Variants in DNAAF1 observed in about 807,000 individuals in gnomAD.
DNAAF1 encodes dynein axonemal assembly factor 1, also known as dynein assembly factor 1, axonemal.
A neutral mutation model predicts 71.1 loss-of-function variants in DNAAF1; 65 were observed. That is an observed-to-expected ratio of 0.91 (90% CI 0.75 to 1.12). DNAAF1 has a LOEUF of 1.12. DNAAF1 is among the 50% of genes most tolerant of loss of function. The pLI is 0.00. For synonymous variants in DNAAF1, 414 were observed against 354.6 expected (o/e 1.17, Z -1.88); for missense variants, 1,178 against 899.8 (o/e 1.31, Z -3.96).
At chr16:84,159,894 C>A in intron 6 of DNAAF1, 98 bp downstream of exon 6, 1 of 1,436,642 alleles carries the variant, frequency 7.0e-7, no homozygotes, top group Non-Finnish European at 9.6e-7. Context: ...AGAAATTTCA[C>A]ATATCAAAAA....
chr16:84,168,494 T>A (rs1260511081), intron 7 of DNAAF1, among the ~76,000 whole-genome samples: 2 of 152,138 alleles, frequency 1.3e-5, no homozygotes, highest in African/African-American at 2.4e-5. Context: ...GCCAAGCTGG[T>A]CTCGAACTCC....
chr16:84,149,887 T>G (rs1380160578), intron 2 of DNAAF1, among the ~76,000 whole-genome samples: 1 of 151,150 alleles, frequency 6.6e-6, no homozygotes, highest in Non-Finnish European at 1.5e-5. Context: ...TAGCCAGGTG[T>G]GGTGGCGCAT....
intron 1 of DNAAF1, 71 bp from the exon 2 acceptor site, chr16:84,148,936 C>A: frequency 6.4e-7 from 1 of 1,572,404 alleles, no homozygotes; most frequent in Non-Finnish European, 8.7e-7. Flanking sequence ...GGTCATTAAC[C>A]AAGCTGAAGT....
intron 7 of DNAAF1, 160 bp downstream of exon 7, chr16:84,166,109 A>C: frequency 9.9e-7 from 1 of 1,010,188 alleles, no homozygotes; most frequent in South Asian, 1.4e-5. Context: ...GTTGGAGTGC[A>C]GCAGTGTGAT....
At chr16:84,169,829 C>A in intron 7 of DNAAF1, 30 bp from the exon 8 acceptor site, 1 of 1,612,808 alleles carries the variant, frequency 6.2e-7, no homozygotes, top group South Asian at 1.1e-5. Context: ...AGGACACTCC[C>A]ACATTCACCT....
intron 5 of DNAAF1, among the ~76,000 whole-genome samples, chr16:84,158,655 G>T (rs956820757): frequency 6.6e-6 from 1 of 152,134 alleles, no homozygotes; most frequent in Admixed American, 6.5e-5. Flanking sequence ...TGGGTGTATT[G>T]CTCCCACCAC....
At chr16:84,158,373 G>A (rs2087542461) in intron 5 of DNAAF1, among the ~76,000 whole-genome samples, 1 of 152,150 alleles carries the variant, frequency 6.6e-6, no homozygotes. Flanking sequence ...TCTGTGCCGT[G>A]TGTTCTCTGT....
chr16:84,147,480 C>T (rs1182957203), intron 1 of DNAAF1, among the ~76,000 whole-genome samples: 1 of 151,964 alleles, frequency 6.6e-6, no homozygotes, highest in South Asian at 2.1e-4. Context: ...GATATTCTCA[C>T]TATTTTTGTT....
intron 6 of DNAAF1, among the ~76,000 whole-genome samples, chr16:84,161,961 C>A (rs111631584): frequency 0.012 from 1,810 of 152,242 alleles, 44 homozygotes; most frequent in African/African-American, 0.042. Flanking sequence ...GGGTCCCCAG[C>A]CTCTAGAATG....
intron 2 of DNAAF1, among the ~76,000 whole-genome samples, chr16:84,149,547 T>C (rs2087082827): frequency 6.7e-6 from 1 of 150,152 alleles, no homozygotes; most frequent in Non-Finnish European, 1.5e-5. Context: ...AAAAATTAGC[T>C]GGGCGTAGTG....
chr16:84,150,048 T>A (rs1355498989), intron 2 of DNAAF1, among the ~76,000 whole-genome samples: 1 of 151,248 alleles, frequency 6.6e-6, no homozygotes, highest in Non-Finnish European at 1.5e-5. Flanking sequence ...CTGAAAATAA[T>A]ATTCGATGAG....
intron 5 of DNAAF1, 42 bp from the exon 6 acceptor site, chr16:84,159,633 C>T (rs1444739965): frequency 1.3e-6 from 2 of 1,577,852 alleles, no homozygotes; most frequent in South Asian, 1.2e-5. Flanking sequence ...AATTCAATCG[C>T]ATCTTTCAGT....
intron 3 of DNAAF1, among the ~76,000 whole-genome samples, chr16:84,153,292 C>T (rs2087266498): frequency 6.6e-6 from 1 of 152,148 alleles, no homozygotes; most frequent in African/African-American, 2.4e-5. Context: ...TGATGCTAGG[C>T]TTAATACCTA....
chr16:84,147,464 A>C (rs1216115759), intron 1 of DNAAF1, among the ~76,000 whole-genome samples: 1 of 152,144 alleles, frequency 6.6e-6, no homozygotes, highest in African/African-American at 2.4e-5. Flanking sequence ...TGTTATTGTT[A>C]TCATAGATAT....
chr16:84,161,276 T>C (rs2087702874), intron 6 of DNAAF1, among the ~76,000 whole-genome samples: 1 of 152,314 alleles, frequency 6.6e-6, no homozygotes, highest in South Asian at 2.1e-4. Context: ...CTGAAGATCC[T>C]GCTCCCGCCC....
At chr16:84,164,742 C>T (rs2087882282) in intron 6 of DNAAF1, among the ~76,000 whole-genome samples, 1 of 152,308 alleles carries the variant, frequency 6.6e-6, no homozygotes, top group South Asian at 2.1e-4. Flanking sequence ...TGCAGGTTTG[C>T]GTGTGGACAT....
chr16:84,159,924 T>A (rs748252881), intron 6 of DNAAF1, 128 bp downstream of exon 6: 179 of 1,071,194 alleles, frequency 1.7e-4, no homozygotes, highest in Admixed American at 2.7e-4. Context: ...GAAATAGGCT[T>A]GATGGCTACA....
rs530075480 is a variant in DNAAF1 at position 84,162,592 on chromosome 16, G to A, written c.863+2796G>A. Among the ~76,000 whole-genome samples, 17 of 151,962 alleles carry A rather than the reference G, an allele frequency of 1.1e-4. No individual in the cohort carries two copies. The East Asian group carries it at 1.9e-3, about 17-fold the overall frequency. The stretch of plus-strand genomic sequence containing the variant: ...TCCCAGCACTTTGGGAGGCGGGGGC[G>A]GGCAGATCACCAGGTCAAGAGATTG... On this transcript the variant is annotated intron_variant, in intron 6 of 11. Coordinates refer to ENST00000378553, the MANE Select transcript of DNAAF1 (RefSeq NM_178452.6).
chr16:84,148,924 A>G (rs1204143563), intron 1 of DNAAF1, 83 bp from the exon 2 acceptor site: 5 of 1,494,040 alleles, frequency 3.3e-6, no homozygotes, highest in Admixed American at 3.4e-5. Context: ...CTAAAAGTGG[A>G]TGGTCATTAA....
Sources: allele counts gnomAD v4.1 joint callset (sites outside exome capture counted in the v4.1 genomes callset), GRCh38; gene constraint gnomAD v4.1.1; transcripts MANE v1.5; gene names NCBI Gene and HGNC (gene_info 2026-07-23, HGNC 2026-07-21).